The following MRPS9 variants were observed in gnomAD, a reference collection of about 807,000 sequenced individuals.
The protein encoded by MRPS9 is small ribosomal subunit protein uS9m.
MRPS9 carries 45 observed loss-of-function variants against 59.9 expected under a neutral mutation model. The ratio of observed to expected loss-of-function variants is 0.75; its 90% CI spans 0.59 to 0.96. The LOEUF is 0.96. Among genes scored for constraint, MRPS9 ranks in the 40% least tolerant of loss-of-function variants. The pLI, the probability that MRPS9 is intolerant of heterozygous loss-of-function variation, is 0.00. For missense variants in MRPS9, 473 were observed against 481.1 expected, an observed-to-expected ratio of 0.98 and a Z score of 0.16; for synonymous variants, 171 against 166.8, an observed-to-expected ratio of 1.03 and a Z score of -0.19.
chr2:105,099,577 C>A, intron 10 of MRPS9, 93 bp from the exon 11 acceptor site: 2 of 1,205,696 alleles, frequency 1.7e-6, no homozygotes, highest in Non-Finnish European at 2.3e-6. Flanking sequence ...TTTTTTTTCT[C>A]AGACAACAGT....
chr2:105,079,690 G>T (rs1221795820), intron 4 of MRPS9, among the ~76,000 whole-genome samples: 1 of 151,818 alleles, frequency 6.6e-6, no homozygotes, highest in Non-Finnish European at 1.5e-5. Context: ...GATGATTTGG[G>T]CTATTTTATA....
intron 2 of MRPS9, 22 bp from the exon 3 acceptor site, chr2:105,071,291 T>C: frequency 6.2e-7 from 1 of 1,604,098 alleles, no homozygotes; most frequent in Non-Finnish European, 8.5e-7. Context: ...AGTTGTTAAC[T>C]AACCTTTGTG....
intron 7 of MRPS9, among the ~76,000 whole-genome samples, chr2:105,091,697 T>G (rs1680562460): frequency 6.6e-6 from 1 of 152,212 alleles, no homozygotes; most frequent in Non-Finnish European, 1.5e-5. Flanking sequence ...ATTAGTTGTT[T>G]CCTTCTCCAT....
At chr2:105,068,531 T>C (rs1342589701) in intron 2 of MRPS9, among the ~76,000 whole-genome samples, 1 of 152,226 alleles carries the variant, frequency 6.6e-6, no homozygotes, top group Non-Finnish European at 1.5e-5. Context: ...ATAAAACATT[T>C]ACATGCTTCA....
intron 7 of MRPS9, among the ~76,000 whole-genome samples, chr2:105,090,243 T>C (rs1015447548): frequency 6.6e-6 from 1 of 152,226 alleles, no homozygotes; most frequent in Non-Finnish European, 1.5e-5. Flanking sequence ...CCTCCTCTTG[T>C]AAGTGCCCTC....
intron 5 of MRPS9, among the ~76,000 whole-genome samples, chr2:105,081,611 A>G (rs1380746370): frequency 6.6e-6 from 1 of 152,166 alleles, no homozygotes; most frequent in Non-Finnish European, 1.5e-5. Flanking sequence ...CACATCCTAT[A>G]AGAGACCTAA....
intron 10 of MRPS9, 28 bp downstream of exon 10, chr2:105,097,352 T>C (rs1423250591): frequency 1.3e-6 from 2 of 1,550,084 alleles, no homozygotes; most frequent in East Asian, 4.7e-5. Context: ...ACGGGCATGG[T>C]GGCCCAATAC....
chr2:105,060,746 G>T (rs1042055820), intron 2 of MRPS9, among the ~76,000 whole-genome samples: 3 of 152,130 alleles, frequency 2.0e-5, no homozygotes, highest in Non-Finnish European at 4.4e-5. Flanking sequence ...GTCTCTTGAG[G>T]CATTGGCATT....
chr2:105,095,284 A>G (rs545828152), intron 9 of MRPS9, among the ~76,000 whole-genome samples: 2 of 152,328 alleles, frequency 1.3e-5, no homozygotes, highest in South Asian at 2.1e-4. Flanking sequence ...CTGGACAGCC[A>G]TTTGTTTGGG....
chr2:105,071,541 T>C lies in MRPS9; in HGVS notation c.409+52T>C, dbSNP rs372735317. ...CAGTTTTTTCTTTACCGTATTCCGG[T>C]GTTAGGTTATGTATCAGCGGTTGCT... On this transcript the variant is annotated intron_variant, in intron 4 of 10. Coordinates refer to ENST00000258455, the MANE Select transcript of MRPS9 (RefSeq NM_182640.3). The C allele has an allele frequency of 3.4e-5, 52 of 1,542,198 alleles. 1 individual carries two copies. The African/African-American group carries it at 6.7e-4, about 20-fold the overall frequency.
intron 2 of MRPS9, among the ~76,000 whole-genome samples, chr2:105,068,175 A>C (rs1313115270): frequency 6.6e-6 from 1 of 152,194 alleles, no homozygotes; most frequent in Non-Finnish European, 1.5e-5. Context: ...CTAAAGTTCC[A>C]TTCCTTTATG....
chr2:105,081,755 TG>T (rs1188691157), intron 5 of MRPS9, among the ~76,000 whole-genome samples: 1 of 152,250 alleles, frequency 6.6e-6, no homozygotes, highest in Non-Finnish European at 1.5e-5. Flanking sequence ...TCTTTGTTTT[TG>T]AGTAATTTAA....
At chr2:105,097,025 TTGAG>T in intron 9 of MRPS9, 126 bp from the exon 10 acceptor site, 2 of 893,332 alleles carry the variant, frequency 2.2e-6, no homozygotes, top group Non-Finnish European at 3.1e-6. Flanking sequence ...AATGGATTGA[TTGAG>T]AAGTATGAAA....
intron 2 of MRPS9, among the ~76,000 whole-genome samples, chr2:105,049,727 A>G (rs534047035): frequency 5.3e-5 from 8 of 152,326 alleles, no homozygotes; most frequent in African/African-American, 1.9e-4. Context: ...CAACTTAAAT[A>G]TATATCTGAG....
At chr2:105,080,228 T>C (rs1680303008) in intron 5 of MRPS9, among the ~76,000 whole-genome samples, 166 bp downstream of exon 5, 1 of 152,228 alleles carries the variant, frequency 6.6e-6, no homozygotes, top group Non-Finnish European at 1.5e-5. Context: ...TAGTAATTCA[T>C]TTTTGCTAAA....
At chr2:105,049,066 T>TA (rs922840089) in intron 1 of MRPS9, 105 bp from the exon 2 acceptor site, 9 of 786,606 alleles carry the variant, frequency 1.1e-5, no homozygotes, top group African/African-American at 1.1e-4. Context: ...AATACCGTAA[T>TA]AAAAAAAGAT....
Position 105,079,980 on chromosome 2 carries a change from C to G in MRPS9, c.410-3C>G. On this transcript the variant is annotated splice_region_variant and splice_polypyrimidine_tract_variant and intron_variant, in intron 4 of 10. Transcript: ENST00000258455. ...TTGCTTTCATCTGGCTTTTTTAAAT[C>G]AGCAATCCAGTGGGGAGAAGATGGC... The G allele has an allele frequency of 6.2e-7, 1 of 1,608,396 alleles. No homozygotes were observed. Among genetic ancestry groups the G allele is most frequent in the Non-Finnish European group, 8.5e-7 (1 of 1,177,302 alleles).
intron 1 of MRPS9, among the ~76,000 whole-genome samples, chr2:105,043,226 T>A (rs1679532026): frequency 6.6e-6 from 1 of 152,246 alleles, no homozygotes; most frequent in Admixed American, 6.5e-5. Flanking sequence ...TTTATTTGAT[T>A]GGTAAGTATG....
rs898126784 is a variant in MRPS9, at chr2:105,078,219, T to C, written c.410-1764T>C. Among the ~76,000 whole-genome samples, 4 of 150,316 alleles carry C rather than the reference T, an allele frequency of 2.7e-5. No individual in the cohort carries two copies. In the East Asian group the frequency reaches 8.1e-4, roughly 30 times the overall value. On this transcript the variant is annotated intron_variant, in intron 4 of 10. Transcript: ENST00000258455. ...CAATTTTTGTAAACTATGATACATA[T>C]CATGGTTTGACAGTATTTTTTCTCT... is the stretch of plus-strand genomic sequence containing the variant.
Sources: allele counts gnomAD v4.1 joint callset (sites outside exome capture counted in the v4.1 genomes callset), GRCh38; gene constraint gnomAD v4.1.1; transcripts MANE v1.5; gene names NCBI Gene and HGNC (gene_info 2026-07-23, HGNC 2026-07-21).